TMEM132D: variants seen among roughly 807,000 people sequenced by gnomAD.
The protein encoded by TMEM132D is transmembrane protein 132D.
A neutral mutation model predicts 62.3 loss-of-function variants in TMEM132D; 21 were observed. The observed-to-expected ratio is 0.34, with a 90% CI of 0.24 to 0.49. TMEM132D has a LOEUF of 0.49. Among genes scored for constraint, TMEM132D ranks in the 20% least tolerant of loss-of-function variants. The probability of loss-of-function intolerance (pLI) is 0.99; values close to 1 mark genes in which losing one functional copy is unlikely to be tolerated. For missense variants in TMEM132D, 1,346 were observed against 1,402.8 expected, an observed-to-expected ratio of 0.96 and a Z score of 0.65; for synonymous variants, 621 against 575.6, an observed-to-expected ratio of 1.08 and a Z score of -1.13.
intron 2 of TMEM132D, among the ~76,000 whole-genome samples, chr12:129,557,068 C>T (rs1311437975): frequency 6.6e-6 from 1 of 152,150 alleles, no homozygotes; most frequent in Non-Finnish European, 1.5e-5. Context: ...TGATTTGATA[C>T]CCACCATTAT....
intron 1 of TMEM132D, among the ~76,000 whole-genome samples, chr12:129,833,376 G>A (rs562053703): frequency 1.8e-4 from 28 of 152,182 alleles, no homozygotes; most frequent in East Asian, 9.7e-4. Context: ...TGAGGTGGGC[G>A]GATCATGTGA....
chr12:129,366,737 G>A (rs1015271702), intron 3 of TMEM132D, among the ~76,000 whole-genome samples: 64 of 152,222 alleles, frequency 4.2e-4, no homozygotes, highest in African/African-American at 1.5e-3. Context: ...GCAAAGACAG[G>A]GCCAGCATGG....
At chr12:129,753,307 T>G (rs568689138) in intron 1 of TMEM132D, among the ~76,000 whole-genome samples, 6 of 152,340 alleles carry the variant, frequency 3.9e-5, no homozygotes, top group Non-Finnish European at 8.8e-5. Context: ...GTTGCAATAT[T>G]GAAAAATTCA....
At chr12:129,266,421 TC>T (rs1056576291) in intron 4 of TMEM132D, among the ~76,000 whole-genome samples, 8 of 150,550 alleles carry the variant, frequency 5.3e-5, no homozygotes, top group Non-Finnish European at 7.4e-5. Context: ...CTTCTCCTGT[TC>T]TGCCCTTCCC....
chr12:129,546,586 G>A (rs1039325213), intron 2 of TMEM132D, among the ~76,000 whole-genome samples: 6 of 152,162 alleles, frequency 3.9e-5, no homozygotes, highest in Admixed American at 6.5e-5. Context: ...TGGATCACAA[G>A]GTCAGGAGTT....
intron 5 of TMEM132D, among the ~76,000 whole-genome samples, chr12:129,148,440 C>T (rs530289522): frequency 3.9e-4 from 60 of 152,230 alleles, no homozygotes; most frequent in Admixed American, 1.2e-3. Context: ...GGCAGGAGGT[C>T]AGAGAAAACG....
chr12:129,341,960 T>C (rs1000668457), intron 3 of TMEM132D, among the ~76,000 whole-genome samples: 1 of 152,184 alleles, frequency 6.6e-6, no homozygotes, highest in East Asian at 1.9e-4. Context: ...TCCATGCTCA[T>C]GGGTAGGAAG....
chr12:129,231,446 A>G (rs925314664), intron 4 of TMEM132D, among the ~76,000 whole-genome samples: 2 of 152,208 alleles, frequency 1.3e-5, no homozygotes, highest in African/African-American at 4.8e-5. Flanking sequence ...TCCTGAAGCT[A>G]GAGGTATAAA....
At chr12:129,645,116 T>A (rs1184847407) in intron 2 of TMEM132D, among the ~76,000 whole-genome samples, 1 of 152,074 alleles carries the variant, frequency 6.6e-6, no homozygotes, top group Admixed American at 6.6e-5. Context: ...GAATCTCCAT[T>A]AATGCAGCCA....
chr12:129,494,681 A>T (rs943492310), intron 3 of TMEM132D, among the ~76,000 whole-genome samples: 2 of 152,154 alleles, frequency 1.3e-5, no homozygotes, highest in African/African-American at 4.8e-5. Context: ...TCCCCTCAAA[A>T]AAAGAGAATG....
chr12:129,883,226 T>C (rs1566018784), intron 1 of TMEM132D, among the ~76,000 whole-genome samples: 1 of 152,196 alleles, frequency 6.6e-6, no homozygotes, highest in South Asian at 2.1e-4. Flanking sequence ...TGCATATCTA[T>C]AAAATTGCAA....
intron 2 of TMEM132D, among the ~76,000 whole-genome samples, chr12:129,697,038 T>G (rs1414180273): frequency 2.0e-5 from 3 of 152,206 alleles, no homozygotes; most frequent in Non-Finnish European, 4.4e-5. Context: ...AGCTAACTCC[T>G]GTGCTTCAGC....
intron 3 of TMEM132D, among the ~76,000 whole-genome samples, chr12:129,384,395 G>T (rs1871044971): frequency 6.6e-6 from 1 of 152,066 alleles, no homozygotes; most frequent in Non-Finnish European, 1.5e-5. Flanking sequence ...AACAACATTA[G>T]GCAGAACTCC....
At chr12:129,895,159 TCCA>T (rs1350891226) in intron 1 of TMEM132D, among the ~76,000 whole-genome samples, 1 of 152,166 alleles carries the variant, frequency 6.6e-6, no homozygotes, top group African/African-American at 2.4e-5. Context: ...CTGCTGGGAA[TCCA>T]CCAAAGCATA....
At chr12:129,454,698 G>A (rs1206298244) in intron 3 of TMEM132D, among the ~76,000 whole-genome samples, 3 of 152,160 alleles carry the variant, frequency 2.0e-5, no homozygotes, top group South Asian at 4.1e-4. Flanking sequence ...GCTGTTGCAG[G>A]AACCAAGGAC....
intron 1 of TMEM132D, among the ~76,000 whole-genome samples, chr12:129,798,433 C>T (rs141934562): frequency 0.018 from 2,662 of 152,076 alleles, 36 homozygotes; most frequent in Non-Finnish European, 0.028. Flanking sequence ...TAATTAGAAG[C>T]GCTAAGCTAA....
chr12:129,147,712 C>G (rs1388846216), intron 5 of TMEM132D, among the ~76,000 whole-genome samples: 3 of 152,170 alleles, frequency 2.0e-5, no homozygotes, highest in African/African-American at 2.4e-5. Context: ...GTCTATTTGA[C>G]CTTCAGTCAT....
intron 8 of TMEM132D, among the ~76,000 whole-genome samples, chr12:129,076,786 C>T (rs1207741966): frequency 2.6e-5 from 4 of 152,276 alleles, no homozygotes; most frequent in South Asian, 4.1e-4. Flanking sequence ...CTCAGGGTAG[C>T]GTGTTTAGCT....
At chr12:129,893,231 T>C (rs1874987878) in intron 1 of TMEM132D, among the ~76,000 whole-genome samples, 1 of 152,124 alleles carries the variant, frequency 6.6e-6, no homozygotes. Context: ...TACCTCAATT[T>C]TTGCCTCTGT....
Sources: allele counts gnomAD v4.1 joint callset (sites outside exome capture counted in the v4.1 genomes callset), GRCh38; gene constraint gnomAD v4.1.1; transcripts MANE v1.5; gene names NCBI Gene and HGNC (gene_info 2026-07-23, HGNC 2026-07-21).